The following TBL1XR1 variants were observed in gnomAD, a reference collection of about 807,000 sequenced individuals.
TBL1XR1 encodes TBL1X/Y related 1.
In TBL1XR1, 5 loss-of-function variants were observed where a neutral mutation model predicts 66.9. That is an observed-to-expected ratio of 0.07 (90% CI 0.04 to 0.16). The LOEUF (loss-of-function observed/expected upper bound fraction) is 0.16, where lower values mean the gene tolerates loss of function less well. TBL1XR1 is among the 10% of genes least tolerant of loss of function. The pLI, the probability that TBL1XR1 is intolerant of heterozygous loss-of-function variation, is 1.00. For synonymous variants in TBL1XR1, 210 were observed against 206.0 expected (o/e 1.02, Z -0.17); for missense variants, 238 against 623.2 (o/e 0.38, Z 6.58).
At chr3:177,038,528 C>T in intron 10 of TBL1XR1, 94 bp from the exon 11 acceptor site, 1 of 1,194,660 alleles carries the variant, frequency 8.4e-7, no homozygotes, top group Non-Finnish European at 1.1e-6. Flanking sequence ...ATAAAATATA[C>T]TAACAGGCAC....
intron 1 of TBL1XR1, among the ~76,000 whole-genome samples, chr3:177,167,302 G>T (rs1036526414): frequency 1.3e-5 from 2 of 152,182 alleles, no homozygotes; most frequent in Non-Finnish European, 2.9e-5. Context: ...GCAAAATTAT[G>T]GAGGCAGCCA....
chr3:177,174,366 G>A (rs1733912294), intron 1 of TBL1XR1, among the ~76,000 whole-genome samples: 1 of 127,462 alleles, frequency 7.8e-6, no homozygotes, highest in African/African-American at 3.0e-5. Flanking sequence ...CTGAGATAGT[G>A]CCACTGCACT....
intron 2 of TBL1XR1, among the ~76,000 whole-genome samples, chr3:177,073,784 C>A (rs1720341644): frequency 1.3e-5 from 2 of 152,148 alleles, no homozygotes; most frequent in Admixed American, 6.5e-5. Context: ...GTGGAAGCTG[C>A]AGTAAAGGCG....
chr3:177,176,998 TAGC>T (rs1275607287), intron 1 of TBL1XR1, among the ~76,000 whole-genome samples: 1 of 151,962 alleles, frequency 6.6e-6, no homozygotes, highest in African/African-American at 2.4e-5. Context: ...AAAAGGAAAA[TAGC>T]AGGGCTGTTG....
intron 1 of TBL1XR1, among the ~76,000 whole-genome samples, chr3:177,162,499 TTGTC>T (rs1732338288): frequency 6.6e-6 from 1 of 152,184 alleles, no homozygotes; most frequent in Admixed American, 6.5e-5. Flanking sequence ...AGAAAACTGA[TTGTC>T]TAAGATGGAG....
At chr3:177,182,525 G>A (rs576299751) in intron 1 of TBL1XR1, among the ~76,000 whole-genome samples, 1 of 152,144 alleles carries the variant, frequency 6.6e-6, no homozygotes, top group Non-Finnish European at 1.5e-5. Context: ...ACTAGCAAAC[G>A]TATACCTCAG....
At chr3:177,201,241 T>A (rs184957624), upstream of TBL1XR1, among the ~76,000 whole-genome samples, 2 of 151,646 alleles carry the variant, frequency 1.3e-5, no homozygotes, top group African/African-American at 4.8e-5. Context: ...TGAAACCCCG[T>A]CTCTACTAAA....
chr3:177,137,844 C>T (rs1462408447), intron 1 of TBL1XR1, among the ~76,000 whole-genome samples: 5 of 151,986 alleles, frequency 3.3e-5, no homozygotes, highest in Admixed American at 2.0e-4. Context: ...GGTGGTGGTA[C>T]CTGTACTCCT....
intron 1 of TBL1XR1, among the ~76,000 whole-genome samples, chr3:177,191,226 T>C (rs945056232): frequency 6.6e-6 from 1 of 152,160 alleles, no homozygotes; most frequent in Non-Finnish European, 1.5e-5. Flanking sequence ...CCATTATGGG[T>C]TCTCCAGCAG....
rs537889790 is a variant in TBL1XR1, at chr3:177,093,695, C to G, written c.-46+4771G>C. 2.0e-5 allele frequency among the ~76,000 whole-genome samples: 3 copies of G among 152,254 alleles called. No homozygotes were observed. In the East Asian group the frequency reaches 5.8e-4, roughly 29 times the overall value. Reference sequence around the variant, plus strand: ...ATATTTACAGCCAACTGATCTTCGACAAAGCTAACAAAAACATAAAGTGGG... The same window carrying G: ...ATATTTACAGCCAACTGATCTTCGAGAAAGCTAACAAAAACATAAAGTGGG... On this transcript the variant is annotated intron_variant, in intron 2 of 15. Coordinates refer to ENST00000457928, the MANE Select transcript of TBL1XR1 (RefSeq NM_024665.7).
At chr3:177,042,808 C>T (rs1233112883) in intron 10 of TBL1XR1, among the ~76,000 whole-genome samples, 2 of 152,050 alleles carry the variant, frequency 1.3e-5, no homozygotes, top group Non-Finnish European at 2.9e-5. Flanking sequence ...CTGCTCCACC[C>T]CTCTTCTGAT....
intron 1 of TBL1XR1, among the ~76,000 whole-genome samples, chr3:177,181,353 G>C (rs967332740): frequency 6.6e-6 from 1 of 151,768 alleles, no homozygotes; most frequent in Non-Finnish European, 1.5e-5. Context: ...GGTGGCACAC[G>C]CCTATAATCC....
chr3:177,096,099 C>G (rs1723443621), intron 2 of TBL1XR1, among the ~76,000 whole-genome samples: 1 of 152,126 alleles, frequency 6.6e-6, no homozygotes. Context: ...ACTAAGCACT[C>G]TGGCATTTTC....
chr3:177,031,109 T>C (rs1386931526), intron 14 of TBL1XR1, among the ~76,000 whole-genome samples: 2 of 152,132 alleles, frequency 1.3e-5, no homozygotes, highest in African/African-American at 2.4e-5. Flanking sequence ...CGAGACTTCA[T>C]CTCAAAAAAT....
chr3:177,177,135 C>A (rs928497054), intron 1 of TBL1XR1, among the ~76,000 whole-genome samples: 1 of 152,136 alleles, frequency 6.6e-6, no homozygotes, highest in Non-Finnish European at 1.5e-5. Flanking sequence ...CCAATGAATA[C>A]CCTTTTTAAC....
At chr3:177,106,620 A>G (rs1398624817) in intron 1 of TBL1XR1, among the ~76,000 whole-genome samples, 1 of 152,208 alleles carries the variant, frequency 6.6e-6, no homozygotes, top group South Asian at 2.1e-4. Context: ...CATCTGTAAA[A>G]TAAGTTAGGA....
chr3:177,197,693 A>AGGCGGC (rs1227517885), upstream of TBL1XR1, among the ~76,000 whole-genome samples: 1 of 26,532 alleles, frequency 3.8e-5, no homozygotes, highest in African/African-American at 1.4e-4. Flanking sequence ...GGACGCCGGG[A>AGGCGGC]GGCGGCGGCG....
chr3:177,146,320 C>T (rs965569674), intron 1 of TBL1XR1, among the ~76,000 whole-genome samples: 1 of 151,828 alleles, frequency 6.6e-6, no homozygotes, highest in Non-Finnish European at 1.5e-5. Context: ...GAGTTTTGCT[C>T]TTGTTGCCCA....
At chr3:177,079,302 A>G (rs762564928) in intron 2 of TBL1XR1, among the ~76,000 whole-genome samples, 11 of 148,076 alleles carry the variant, frequency 7.4e-5, no homozygotes, top group Non-Finnish European at 1.1e-4. Context: ...GCGTGGTGGC[A>G]GGCGCCTGTA....
Sources: gnomAD v4.1 joint callset for allele counts (sites outside exome capture counted in the v4.1 genomes callset) on GRCh38, gnomAD v4.1.1 for gene constraint, MANE v1.5 for transcripts, NCBI Gene and HGNC (gene_info 2026-07-23, HGNC 2026-07-21) for gene names.